PLB1: variants seen among roughly 807,000 people sequenced by gnomAD.
PLB1 encodes the protein phospholipase B1, membrane-associated.
PLB1 carries 242 observed loss-of-function variants against 227.4 expected under a neutral mutation model. The ratio of observed to expected loss-of-function variants is 1.06; its 90% confidence interval spans 0.96 to 1.18. The LOEUF is 1.18. Among genes scored for constraint, PLB1 ranks in the 50% most tolerant of loss-of-function variants. The pLI is 0.00. For missense variants in PLB1, 1,858 were observed against 1,816.3 expected, an observed-to-expected ratio of 1.02 and a Z score of -0.42; for synonymous variants, 757 against 682.2, an observed-to-expected ratio of 1.11 and a Z score of -1.71.
chr2:28,613,136 G>A (rs772583751), intron 43 of PLB1, among the ~76,000 whole-genome samples: 3 of 151,986 alleles, frequency 2.0e-5, no homozygotes, highest in Non-Finnish European at 4.4e-5. Context: ...TGCTTCCCAA[G>A]CTGGTATTAA....
Position 28,573,283 on chromosome 2 carries a change from G to T in PLB1, c.1411G>T (p.Ala471Ser). Residue 471 changes from alanine to serine, a missense_variant, in exon 21 of 58, where the codon GCT (alanine) becomes TCT (serine). By Grantham distance (99) the Ala-to-Ser change is moderately conservative. Transcript: ENST00000327757. ...ETSPNAFLNQ[A>S]VAGGRAEDLP... ...CAGTCCTAATGCCTTCTTAAACCAGGCTGTGGCAGGAGGCCGAGCTGAGTA... is the reference window on the plus strand; with the variant it reads ...CAGTCCTAATGCCTTCTTAAACCAGTCTGTGGCAGGAGGCCGAGCTGAGTA... The T allele has an allele frequency of 3.1e-6, 5 of 1,613,868 alleles. No individual in the cohort carries two copies. Among genetic ancestry groups the T allele is most frequent in the Non-Finnish European group, 4.2e-6 (5 of 1,179,924 alleles).
chr2:28,557,379 A>G (rs114868246), intron 17 of PLB1, among the ~76,000 whole-genome samples: 4,140 of 152,290 alleles, frequency 0.027, 95 homozygotes, highest in Middle Eastern at 0.071. Flanking sequence ...GCTTACTGCC[A>G]TTGTGGAAGT....
chr2:28,558,754 GAGAA>G (rs1234748779), intron 17 of PLB1, among the ~76,000 whole-genome samples: 2 of 152,072 alleles, frequency 1.3e-5, no homozygotes, highest in African/African-American at 4.8e-5. Context: ...CGGTGGGGAG[GAGAA>G]AGAACACTGA....
Position 28,604,689 on chromosome 2 carries a change from A to G in PLB1, c.2891A>G (p.Tyr964Cys), listed in dbSNP as rs763604213. 1.2e-4 allele frequency: 197 copies of G among 1,613,964 alleles called. 1 individual carries two copies. In the East Asian group the frequency reaches 4.3e-3, roughly 35 times the overall value. Residue 964 changes from tyrosine to cysteine, a missense_variant, in exon 41 of 58, where the codon TAT becomes TGT. Transcript: ENST00000327757. Reference sequence around the variant, plus strand: ...CGCGAGCTGGTGGGGTCAGGCCGCTATGACACGCAGGAGGACTTCTCTGTG... The same window carrying G: ...CGCGAGCTGGTGGGGTCAGGCCGCTGTGACACGCAGGAGGACTTCTCTGTG... ...SMRELVGSGR[Y>C]DTQEDFSVVL... is the part of the protein sequence containing the mutation.
chr2:28,620,867 C>G lies in PLB1; in HGVS notation c.3428-12C>G, dbSNP rs762803556. The G allele has an allele frequency of 6.2e-7, 1 of 1,609,560 alleles. No homozygotes were observed. The highest frequency in any genetic ancestry group is 1.3e-5 in the African/African-American group (1 of 74,798). ...TCACCTGTGCTCTTCTCCTCCTCCT[C>G]CTCCTCTAAAGACATTCTGAAGAAG... is the stretch of plus-strand genomic sequence containing the variant. On this transcript the variant is annotated splice_polypyrimidine_tract_variant and intron_variant, in intron 48 of 57. Transcript: ENST00000327757.
Position 28,597,382 on chromosome 2 carries a change from A to G in PLB1, c.2322-623A>G, listed in dbSNP as rs73922190. Among the ~76,000 whole-genome samples the G allele has an allele frequency of 3.1e-3, 474 of 152,276 alleles. 3 individuals carry two copies. The highest frequency in any genetic ancestry group is 0.011 in the African/African-American group (451 of 41,560). The stretch of plus-strand genomic sequence containing the variant: ...TATATGAATATCAGATTTTGGTAAA[A>G]TAGAAATAGTACTTGTCTTCTGTGT... On this transcript the variant is annotated intron_variant, in intron 33 of 57. Transcript: ENST00000327757.
At chr2:28,612,652 A>C (rs1479948610) in intron 43 of PLB1, among the ~76,000 whole-genome samples, 1 of 144,294 alleles carries the variant, frequency 6.9e-6, no homozygotes. Context: ...TCTGTTACCC[A>C]GACTGGAGTG....
intron 10 of PLB1, among the ~76,000 whole-genome samples, chr2:28,538,617 G>A (rs8179821): frequency 0.86 from 130,586 of 151,806 alleles, 57,034 homozygotes; most frequent in East Asian, 0.99. Context: ...TTGAGTCCTC[G>A]GTGGCCCTGC....
At chr2:28,506,289 A>G (rs1283197177) in intron 1 of PLB1, among the ~76,000 whole-genome samples, 1 of 152,180 alleles carries the variant, frequency 6.6e-6, no homozygotes, top group African/African-American at 2.4e-5. Context: ...TGAGAGATGA[A>G]TGTGGGCTGG....
rs754114805 is a variant in PLB1 at position 28,591,121 on chromosome 2, C to G, written c.2089-12C>G. On this transcript the variant is annotated splice_polypyrimidine_tract_variant and intron_variant, in intron 29 of 57. Transcript: ENST00000327757. ...GAATTTGCTGCCATTGCTCACCCCCCTCTCCTCACAGGTCCAGCCGTTTCT... is the reference window on the plus strand; with the variant it reads ...GAATTTGCTGCCATTGCTCACCCCCGTCTCCTCACAGGTCCAGCCGTTTCT... 7 of 1,614,196 alleles carry G rather than the reference C, an allele frequency of 4.3e-6. No homozygotes were observed. In the Admixed American group the frequency reaches 6.7e-5, roughly 15 times the overall value.
At chr2:28,606,384 G>A (rs1684682247) in intron 42 of PLB1, 112 bp from the exon 43 acceptor site, 6 of 1,075,650 alleles carry the variant, frequency 5.6e-6, no homozygotes, top group Non-Finnish European at 6.9e-6. Flanking sequence ...TGGGAGCCAA[G>A]CCCCCTGAAA....
intron 23 of PLB1, among the ~76,000 whole-genome samples, chr2:28,581,469 C>T (rs901741126): frequency 7.3e-6 from 1 of 137,792 alleles, no homozygotes; most frequent in African/African-American, 2.9e-5. Flanking sequence ...TGGAGTAGAT[C>T]CAGAGCTCCA....
At chr2:28,618,317 C>A in intron 45 of PLB1, 24 bp from the exon 46 acceptor site, 1 of 1,612,454 alleles carries the variant, frequency 6.2e-7, no homozygotes, top group African/African-American at 1.3e-5. Context: ...CCCCCACAAC[C>A]ACCTCTCTGC....
At chr2:28,498,035 T>G (rs976437080) in intron 1 of PLB1, among the ~76,000 whole-genome samples, 1 of 151,682 alleles carries the variant, frequency 6.6e-6, no homozygotes, top group South Asian at 2.1e-4. Context: ...CTTAAGTATA[T>G]GTATTTTAAA....
At chr2:28,533,725 C>T (rs1016895836) in intron 9 of PLB1, among the ~76,000 whole-genome samples, 1 of 152,192 alleles carries the variant, frequency 6.6e-6, no homozygotes, top group Non-Finnish European at 1.5e-5. Flanking sequence ...TGTATGAATG[C>T]ATTTATGAAT....
chr2:28,590,078 T>C lies in PLB1; in HGVS notation c.2088+2T>C, dbSNP rs986786764. 6.2e-7 allele frequency: 1 copy of C among 1,610,074 alleles called. No individual in the cohort carries two copies. Among genetic ancestry groups the C allele is most frequent in the Non-Finnish European group, 8.5e-7 (1 of 1,176,352 alleles). On this transcript the variant is annotated splice_donor_variant, in intron 29 of 57. Coordinates refer to ENST00000327757, the MANE Select transcript of PLB1 (RefSeq NM_153021.5). LOFTEE classifies it high-confidence loss of function. ...ATCAATATCACATGTCCGAACCAGGTAGAGTGGAAAGCACGTCCTTCCAGG... is the reference window on the plus strand; with the variant it reads ...ATCAATATCACATGTCCGAACCAGGCAGAGTGGAAAGCACGTCCTTCCAGG...
At chr2:28,547,198 T>C (rs1237591289) in intron 14 of PLB1, among the ~76,000 whole-genome samples, 2 of 72,738 alleles carry the variant, frequency 2.7e-5, no homozygotes, top group South Asian at 5.7e-4. Flanking sequence ...TGAGACCCTG[T>C]CTCCAAAAAA....
chr2:28,606,112 C>T (rs1573383108), intron 42 of PLB1, among the ~76,000 whole-genome samples, 164 bp downstream of exon 42: 1 of 152,266 alleles, frequency 6.6e-6, no homozygotes, highest in African/African-American at 2.4e-5. Flanking sequence ...GTCTGCTCAG[C>T]CTGGGCTCAA....
intron 53 of PLB1, among the ~76,000 whole-genome samples, chr2:28,630,325 G>A (rs1486331412): frequency 1.3e-5 from 2 of 152,200 alleles, no homozygotes; most frequent in African/African-American, 2.4e-5. Context: ...GGAGGTCCAG[G>A]CAACAGCTTT....
Sources: gnomAD v4.1 joint callset for allele counts (sites outside exome capture counted in the v4.1 genomes callset) on GRCh38, gnomAD v4.1.1 for gene constraint, MANE v1.5 for transcripts, NCBI Gene and HGNC (gene_info 2026-07-23, HGNC 2026-07-21) for gene names.